Variants in METTL24 observed in about 807,000 individuals in gnomAD.
The protein encoded by METTL24 is probable methyltransferase-like protein 24.
Under a neutral mutation model 32.7 loss-of-function variants are expected in METTL24, and 29 were observed. The ratio of observed to expected loss-of-function variants is 0.89; its 90% confidence interval spans 0.66 to 1.21. The LOEUF is 1.21. METTL24 is among the 50% of genes most tolerant of loss of function. The pLI, the probability that METTL24 is intolerant of heterozygous loss-of-function variation, is 0.00. For missense variants in METTL24, 439 were observed against 468.1 expected, an observed-to-expected ratio of 0.94 and a Z score of 0.57; for synonymous variants, 163 against 179.5, an observed-to-expected ratio of 0.91 and a Z score of 0.73.
chr6:110,248,287 A>G (rs975265798), intron 4 of METTL24, among the ~76,000 whole-genome samples: 1 of 152,192 alleles, frequency 6.6e-6, no homozygotes, highest in African/African-American at 2.4e-5. Flanking sequence ...AGCCTAACAC[A>G]CATTCCTTGG....
At position 110,318,657 on chromosome 6, in the gene METTL24, A is replaced by G. The variant is rs554728716; in HGVS notation, c.418-3176T>C. Among the ~76,000 whole-genome samples, 270 of 151,392 alleles carry G rather than the reference A, an allele frequency of 1.8e-3. 2 individuals carry two copies. The highest frequency in any genetic ancestry group is 2.6e-3 in the Non-Finnish European group (179 of 67,792). ...ACAGAGCAAGACTCTACCTCAAAAAAAAAAAAAAAAAAGAAAGAAAGAAAG... is the reference window on the plus strand; with the variant it reads ...ACAGAGCAAGACTCTACCTCAAAAAGAAAAAAAAAAAAGAAAGAAAGAAAG... On this transcript the variant is annotated intron_variant, in intron 2 of 4. Coordinates refer to ENST00000338882, the MANE Select transcript of METTL24 (RefSeq NM_001123364.3).
intron 4 of METTL24, among the ~76,000 whole-genome samples, chr6:110,286,196 G>C (rs1038288907): frequency 1.6e-4 from 25 of 152,292 alleles, no homozygotes; most frequent in African/African-American, 6.0e-4. Flanking sequence ...TGACAGCCAG[G>C]CTCCTGACCC....
intron 4 of METTL24, among the ~76,000 whole-genome samples, chr6:110,279,442 T>A (rs1445595631): frequency 6.6e-6 from 1 of 152,140 alleles, no homozygotes; most frequent in African/African-American, 2.4e-5. Context: ...TAGAGTAAAA[T>A]GGTACGAACT....
At position 110,245,006 on chromosome 6, in the gene METTL24, T is replaced by TATC. The variant is rs1554210185; in HGVS notation, c.*937_*939dup. 6.8e-6 allele frequency among the ~76,000 whole-genome samples: 1 copy of TATC among 147,416 alleles called. No homozygotes were observed. Among genetic ancestry groups the TATC allele is most frequent in the African/African-American group, 2.5e-5 (1 of 39,276 alleles). ...TCTATCTATCTATCTATCTATCATCTATCTATTTATCTACCTACCTACCTA... is the reference window on the plus strand; with the variant it reads ...TCTATCTATCTATCTATCTATCATCTATCATCTATTTATCTACCTACCTACCTA... On this transcript the variant is annotated 3_prime_UTR_variant, in exon 5 of 5. Coordinates refer to ENST00000338882, the MANE Select transcript of METTL24 (RefSeq NM_001123364.3).
intron 4 of METTL24, among the ~76,000 whole-genome samples, chr6:110,257,019 T>A (rs1222696324): frequency 2.0e-5 from 3 of 152,204 alleles, no homozygotes; most frequent in Non-Finnish European, 4.4e-5. Flanking sequence ...TCAAGAAATT[T>A]GCATTGTTGG....
intron 4 of METTL24, among the ~76,000 whole-genome samples, chr6:110,270,826 C>T (rs1289882289): frequency 6.7e-6 from 1 of 149,844 alleles, no homozygotes; most frequent in Non-Finnish European, 1.5e-5. Flanking sequence ...AAGAACAGCA[C>T]CATCTTGATT....
At chr6:110,347,905 T>C (rs1160121309) in intron 1 of METTL24, among the ~76,000 whole-genome samples, 2 of 152,218 alleles carry the variant, frequency 1.3e-5, no homozygotes, top group African/African-American at 2.4e-5. Flanking sequence ...AATATACTAG[T>C]TATGGCTAGC....
intron 4 of METTL24, among the ~76,000 whole-genome samples, chr6:110,252,407 G>A (rs1778298115): frequency 6.6e-6 from 1 of 152,072 alleles, no homozygotes; most frequent in South Asian, 2.1e-4. Flanking sequence ...TTCTTACAAG[G>A]ACACTAGTCT....
At chr6:110,265,086 T>C (rs1368899899) in intron 4 of METTL24, among the ~76,000 whole-genome samples, 1 of 148,376 alleles carries the variant, frequency 6.7e-6, no homozygotes, top group Non-Finnish European at 1.5e-5. Context: ...CAAACCTGCA[T>C]GTTGTGCATA....
intron 1 of METTL24, among the ~76,000 whole-genome samples, chr6:110,343,503 T>G (rs939588369): frequency 3.3e-5 from 5 of 152,338 alleles, no homozygotes; most frequent in African/African-American, 9.6e-5. Context: ...AATTCTGCCT[T>G]CTGCCAGAGT....
chr6:110,255,227 C>T (rs922317432), intron 4 of METTL24, among the ~76,000 whole-genome samples: 2 of 152,080 alleles, frequency 1.3e-5, no homozygotes, highest in African/African-American at 4.8e-5. Flanking sequence ...CAACACTCTA[C>T]AAATGAATTA....
intron 1 of METTL24, among the ~76,000 whole-genome samples, chr6:110,337,752 T>A (rs1441223589): frequency 1.3e-5 from 2 of 152,242 alleles, no homozygotes; most frequent in African/African-American, 4.8e-5. Context: ...TCAGTTCAGA[T>A]TCCACTTATT....
intron 4 of METTL24, among the ~76,000 whole-genome samples, chr6:110,298,203 C>A (rs1161103344): frequency 6.6e-6 from 1 of 152,192 alleles, no homozygotes; most frequent in Admixed American, 6.5e-5. Context: ...CCAAGAAAGG[C>A]TGAAGATCAA....
At position 110,338,262 on chromosome 6, in the gene METTL24, T is replaced by G. The variant is rs557963768; in HGVS notation, c.319-15390A>C. On this transcript the variant is annotated intron_variant, in intron 1 of 4. Transcript: ENST00000338882. The stretch of plus-strand genomic sequence containing the variant: ...CTGTAATCCCAGCACTTTGGGAGGC[T>G]GAGGTGGGTGGATCACCTGAGGTTG... Among the ~76,000 whole-genome samples the G allele has an allele frequency of 4.6e-5, 7 of 152,314 alleles. 1 individual carries two copies. The East Asian group carries it at 1.4e-3, about 29-fold the overall frequency.
intron 4 of METTL24, 150 bp downstream of exon 4, chr6:110,298,772 T>A: frequency 1.5e-6 from 1 of 681,728 alleles, no homozygotes; most frequent in East Asian, 2.7e-5. Context: ...ATGTCTAGAG[T>A]TGACTCTATA....
chr6:110,352,616 C>T (rs1258644864), intron 1 of METTL24, among the ~76,000 whole-genome samples: 1 of 147,072 alleles, frequency 6.8e-6, no homozygotes, highest in Non-Finnish European at 1.5e-5. Flanking sequence ...TTTATCAGAA[C>T]ATAAGACATT....
At chr6:110,350,069 G>A (rs1772563120) in intron 1 of METTL24, among the ~76,000 whole-genome samples, 1 of 152,230 alleles carries the variant, frequency 6.6e-6, no homozygotes, top group African/African-American at 2.4e-5. Flanking sequence ...TCATGCAGGT[G>A]TGTCTAAATG....
intron 4 of METTL24, among the ~76,000 whole-genome samples, chr6:110,258,764 C>G (rs774841455): frequency 6.6e-6 from 1 of 151,262 alleles, no homozygotes; most frequent in African/African-American, 2.4e-5. Flanking sequence ...AACATCATTC[C>G]TCTGCTCTGA....
intron 4 of METTL24, among the ~76,000 whole-genome samples, chr6:110,279,795 T>C (rs1188276987): frequency 6.6e-6 from 1 of 152,138 alleles, no homozygotes; most frequent in East Asian, 1.9e-4. Flanking sequence ...AAACCCAAAG[T>C]ACTTGTGTTG....
Sources: allele counts gnomAD v4.1 joint callset (sites outside exome capture counted in the v4.1 genomes callset), GRCh38; gene constraint gnomAD v4.1.1; transcripts MANE v1.5; gene names NCBI Gene and HGNC (gene_info 2026-07-23, HGNC 2026-07-21).